The following LDLRAP1 variants were observed in gnomAD, a reference collection of about 807,000 sequenced individuals.
The protein encoded by LDLRAP1 is low density lipoprotein receptor adapter protein 1.
Under a neutral mutation model 37.8 loss-of-function variants are expected in LDLRAP1, and 30 were observed. The observed-to-expected ratio is 0.79, with a 90% confidence interval of 0.59 to 1.08. The LOEUF is 1.08. LDLRAP1 is among the 50% of genes least tolerant of loss of function. The pLI, the probability that LDLRAP1 is intolerant of heterozygous loss-of-function variation, is 0.00. For synonymous variants in LDLRAP1, 156 were observed against 169.8 expected (o/e 0.92, Z 0.63); for missense variants, 375 against 401.6 (o/e 0.93, Z 0.57).
intron 1 of LDLRAP1, among the ~76,000 whole-genome samples, chr1:25,545,599 T>C (rs1203980051): frequency 1.3e-5 from 2 of 152,176 alleles, no homozygotes; most frequent in Non-Finnish European, 2.9e-5. Context: ...GCCCCGAGCC[T>C]GTCTGCACCT....
chr1:25,546,832 A>ATTT (rs112728847), intron 1 of LDLRAP1, among the ~76,000 whole-genome samples: 50 of 151,448 alleles, frequency 3.3e-4, no homozygotes, highest in African/African-American at 6.8e-4. Flanking sequence ...TTTTTTTGTG[A>ATTT]TTTTTTTTTA....
intron 1 of LDLRAP1, among the ~76,000 whole-genome samples, chr1:25,553,140 A>G (rs1226637596): frequency 6.6e-6 from 1 of 151,994 alleles, no homozygotes; most frequent in Non-Finnish European, 1.5e-5. Flanking sequence ...GGAGGAAAGC[A>G]GTGCAGGCTG....
At chr1:25,550,438 A>G (rs1475799672) in intron 1 of LDLRAP1, among the ~76,000 whole-genome samples, 1 of 152,224 alleles carries the variant, frequency 6.6e-6, no homozygotes, top group Non-Finnish European at 1.5e-5. Context: ...GGGTTTGATC[A>G]AGTGAAGAAA....
chr1:25,564,010 C>T, intron 7 of LDLRAP1: 1 of 628,470 alleles, frequency 1.6e-6, no homozygotes, highest in Non-Finnish European at 2.8e-6. Flanking sequence ...GCACAGCTGT[C>T]TCCTCACAAT....
At position 25,566,799 on chromosome 1, in the gene LDLRAP1, C is replaced by G. The variant is rs572894201; in HGVS notation, c.783-49C>G. On this transcript the variant is annotated intron_variant, in intron 8 of 8. Transcript: ENST00000374338. ...TGCCCCCTCGCGTCTGACCCTGGGG[C>G]GCGCCAGCCCTCACCCAGGCTCTCG... 9.5e-6 allele frequency: 15 copies of G among 1,580,408 alleles called. No homozygotes were observed. The East Asian group carries it at 2.8e-4, about 30-fold the overall frequency.
At chr1:25,586,501 T>TGCATGCACATGTGTGTGTGC in the LDLRAP1 span, among the ~76,000 whole-genome samples, 7 of 152,016 alleles carry the variant, frequency 4.6e-5, no homozygotes, top group Non-Finnish European at 7.4e-5. The surrounding 1 kb of genome is among the most constrained non-coding windows in gnomAD (Gnocchi z 4.3). Flanking sequence ...TGTGTGTGTG[T>TGCATGCACATGTGTGTGTGC]GCATGCACAT....
chr1:25,586,701 C>T, the LDLRAP1 span, among the ~76,000 whole-genome samples: 1 of 152,110 alleles, frequency 6.6e-6, no homozygotes, highest in East Asian at 1.9e-4. This position sits in a 1 kb window ranked among gnomAD's most constrained non-coding sequence, Gnocchi z 4.3. Context: ...CCTCACTGGG[C>T]TTCTCCTGCC....
At chr1:25,580,560 T>C in the LDLRAP1 span, among the ~76,000 whole-genome samples, 3 of 152,200 alleles carry the variant, frequency 2.0e-5, no homozygotes, top group East Asian at 1.9e-4. Context: ...CAGGCTGAAG[T>C]GCGGTGGCAC....
the LDLRAP1 span, among the ~76,000 whole-genome samples, chr1:25,582,500 G>T: frequency 6.6e-6 from 1 of 151,176 alleles, no homozygotes; most frequent in South Asian, 2.1e-4. Flanking sequence ...CAGGAGAATC[G>T]CTTGAACCTG....
At position 25,568,658 on chromosome 1, in the gene LDLRAP1, C is replaced by T. The variant is rs533440508; in HGVS notation, c.*1666C>T. Reference sequence around the variant, plus strand: ...CTCCTTGGCACCGGCCTCTATTTGTCATAAGGCGGCGTGGGCGAGGCCTGA... The same window carrying T: ...CTCCTTGGCACCGGCCTCTATTTGTTATAAGGCGGCGTGGGCGAGGCCTGA... On this transcript the variant is annotated 3_prime_UTR_variant, in exon 9 of 9. Coordinates refer to ENST00000374338, the MANE Select transcript of LDLRAP1 (RefSeq NM_015627.3). 1 of 152,382 alleles carries T rather than the reference C, an allele frequency of 6.6e-6. No individual in the cohort carries two copies. The highest frequency in any genetic ancestry group is 2.4e-5 in the African/African-American group (1 of 41,568). 9.4% of individuals were successfully genotyped at this position (152,382 alleles called of 1,614,324 possible).
At chr1:25,572,651 T>C (rs1040281777), downstream of LDLRAP1, among the ~76,000 whole-genome samples, 2 of 152,120 alleles carry the variant, frequency 1.3e-5, no homozygotes, top group African/African-American at 2.4e-5. Flanking sequence ...AGAGCTGGGA[T>C]CTGAGCTGTA....
At position 25,567,422 on chromosome 1, in the gene LDLRAP1, G is replaced by T. The variant is rs186747548; in HGVS notation, c.*430G>T. On this transcript the variant is annotated 3_prime_UTR_variant, in exon 9 of 9. Transcript: ENST00000374338. ...GGGGGCATCCTGCTTCCTGAAAGCT[G>T]TTGGATTTCAGTGATTTTTCCCCCC... 402 of 299,702 alleles carry T rather than the reference G, an allele frequency of 1.3e-3. 1 individual carries two copies. The highest frequency in any genetic ancestry group is 1.7e-3 in the Non-Finnish European group (261 of 156,972). 18.6% of individuals were successfully genotyped at this position (299,702 alleles called of 1,614,324 possible). A position where few individuals can be genotyped will look rare whatever the true frequency, so the allele number is the denominator to read the frequency against.
chr1:25,585,220 A>G, the LDLRAP1 span, among the ~76,000 whole-genome samples: 1 of 152,198 alleles, frequency 6.6e-6, no homozygotes, highest in Non-Finnish European at 1.5e-5. Flanking sequence ...AGCTCTGATT[A>G]TCTCTCTTTT....
At chr1:25,585,571 C>T in the LDLRAP1 span, among the ~76,000 whole-genome samples, 4 of 152,162 alleles carry the variant, frequency 2.6e-5, no homozygotes, top group East Asian at 1.9e-4. Context: ...GTGATCCGCC[C>T]GCCTCGGCCT....
At position 25,543,663 on chromosome 1, in the gene LDLRAP1, T is replaced by G; in HGVS notation, c.-36T>G. 8.3e-7 allele frequency: 1 copy of G among 1,203,338 alleles called. No individual in the cohort carries two copies. The highest frequency in any genetic ancestry group is 1.0e-6 in the Non-Finnish European group (1 of 967,870). 74.5% of individuals were successfully genotyped at this position (1,203,338 alleles called of 1,614,324 possible). A position where few individuals can be genotyped will look rare whatever the true frequency, so the allele number is the denominator to read the frequency against. ...CGGAAAGTTTTTCCTGACGGAGTTT[T>G]GGCTGCGGCAGCGGCGGCGGCGGCC... On this transcript the variant is annotated 5_prime_UTR_variant, in exon 1 of 9. Transcript: ENST00000374338.
chr1:25,562,480 G>A (rs986602419), intron 4 of LDLRAP1, among the ~76,000 whole-genome samples, 164 bp from the exon 5 acceptor site: 1 of 152,234 alleles, frequency 6.6e-6, no homozygotes, highest in African/African-American at 2.4e-5. Context: ...GGAAGGGCCA[G>A]GACCCTGCTC....
In LDLRAP1 at chr1:25,555,009, A is replaced by C; in HGVS notation, c.344+37A>C. ...ATGGGGTTGGCCCATCCACTCTGCC[A>C]CTTGGGGCAGTGGGTGGAGTATCCC... On this transcript the variant is annotated intron_variant, in intron 3 of 8. Transcript: ENST00000374338. The surrounding 1 kb of genome is among the most constrained non-coding windows in gnomAD (Gnocchi z 4.7). 4.8e-6 allele frequency: 7 copies of C among 1,461,806 alleles called. No homozygotes were observed. Among genetic ancestry groups the C allele is most frequent in the Non-Finnish European group, 6.7e-6 (7 of 1,042,498 alleles). The allele number at this position is 1,461,806 out of a possible 1,614,324, so 90.6% of individuals were successfully genotyped here. A position where few individuals can be genotyped will look rare whatever the true frequency, so the allele number is the denominator to read the frequency against.
the LDLRAP1 span, among the ~76,000 whole-genome samples, chr1:25,583,925 A>G: frequency 3.3e-5 from 5 of 151,974 alleles, no homozygotes; most frequent in African/African-American, 1.2e-4. Flanking sequence ...GCTCTGTGGG[A>G]TGTTTTCAAG....
intron 5 of LDLRAP1, 127 bp from the exon 6 acceptor site, chr1:25,562,943 T>C: frequency 4.1e-6 from 4 of 969,136 alleles, no homozygotes; most frequent in Non-Finnish European, 6.7e-6. Context: ...AAAGGTTTCT[T>C]TCCTCCCGGC....
Sources: gnomAD v4.1 joint callset for allele counts (sites outside exome capture counted in the v4.1 genomes callset) on GRCh38, gnomAD v4.1.1 for gene constraint, Gnocchi (gnomAD v3.1) non-coding constraint, MANE v1.5 for transcripts, NCBI Gene and HGNC (gene_info 2026-07-23, HGNC 2026-07-21) for gene names.